The following FMNL1 variants were observed in gnomAD, a reference collection of about 807,000 sequenced individuals.
FMNL1 encodes the protein formin-like protein 1.
In FMNL1, 43 loss-of-function variants were observed where a neutral mutation model predicts 121.3. The ratio of observed to expected loss-of-function variants is 0.35; its 90% CI spans 0.28 to 0.46. The LOEUF is 0.46. FMNL1 is among the 20% of genes least tolerant of loss of function. The probability of loss-of-function intolerance (pLI) is 1.00; values close to 1 mark genes in which losing one functional copy is unlikely to be tolerated. For synonymous variants in FMNL1, 613 were observed against 613.5 expected (o/e 1.00, Z 0.01); for missense variants, 1,191 against 1,482.4 (o/e 0.80, Z 3.23).
chr17:45,225,815 C>T (rs952721824), intron 1 of FMNL1, among the ~76,000 whole-genome samples: 9 of 152,124 alleles, frequency 5.9e-5, no homozygotes, highest in Admixed American at 6.5e-5. Context: ...AGTTACTTAA[C>T]TTCTCTGAGC....
At position 45,243,110 on chromosome 17, in the gene FMNL1, A is replaced by G. The variant is rs894482263; in HGVS notation, c.2011-8A>G. The G allele has an allele frequency of 1.9e-5, 31 of 1,614,022 alleles. No homozygotes were observed. Among genetic ancestry groups the G allele is most frequent in the Non-Finnish European group, 2.3e-5 (27 of 1,180,008 alleles). ...ACCCAGCTCCGCCTCCTCACCCTGT[A>G]CCTTCAGGAGCTAGACATGAGTGAT... On this transcript the variant is annotated splice_polypyrimidine_tract_variant and splice_region_variant and intron_variant, in intron 16 of 26. Coordinates refer to ENST00000331495, the MANE Select transcript of FMNL1 (RefSeq NM_005892.4).
rs2043235251 is a variant in FMNL1 at position 45,222,006 on chromosome 17, C to T, written c.-119C>T. 1 of 813,714 alleles carries T rather than the reference C, an allele frequency of 1.2e-6. No homozygotes were observed. The highest frequency in any genetic ancestry group is 1.8e-5 in the African/African-American group (1 of 54,808). 50.4% of individuals were successfully genotyped at this position (813,714 alleles called of 1,614,324 possible). Reference sequence around the variant, plus strand: ...GAGCGCCCCCCGCTGCCGAGACCCCCGCCGCCACCGCCAGCCGCTGCCCCC... The same window carrying T: ...GAGCGCCCCCCGCTGCCGAGACCCCTGCCGCCACCGCCAGCCGCTGCCCCC... On this transcript the variant is annotated 5_prime_UTR_variant, in exon 1 of 27. Transcript: ENST00000331495.
chr17:45,224,769 G>T (rs150387173), intron 1 of FMNL1, among the ~76,000 whole-genome samples: 1 of 152,330 alleles, frequency 6.6e-6, no homozygotes, highest in East Asian at 1.9e-4. Context: ...TTAAAATGGG[G>T]GTGGAGAGAA....
In FMNL1 at chr17:45,241,328, C is replaced by A; in HGVS notation, c.1333-54C>A. On this transcript the variant is annotated intron_variant, in intron 13 of 26. Transcript: ENST00000331495. The surrounding 1 kb of genome is among the most constrained non-coding windows in gnomAD (Gnocchi z 7.0). ...CTCCACCCCGGGAAGAAGATGGAGG[C>A]TTGGTGCCAAGGAGCCTGCTGGTGG... 6.3e-7 allele frequency: 1 copy of A among 1,594,150 alleles called. No homozygotes were observed. Among genetic ancestry groups the A allele is most frequent in the East Asian group, 2.3e-5 (1 of 43,670 alleles).
chr17:45,233,884 A>G lies in FMNL1; in HGVS notation c.485+153A>G. ...GGCCTTGAGCGATGCTCCTTCCAGA[A>G]GGCCTGCCCCCGACAGGGAGGGGTG... is the stretch of plus-strand genomic sequence containing the variant. On this transcript the variant is annotated intron_variant, in intron 5 of 26. Coordinates refer to ENST00000331495, the MANE Select transcript of FMNL1 (RefSeq NM_005892.4). This position sits in a 1 kb window ranked among gnomAD's most constrained non-coding sequence, Gnocchi z 4.1. The G allele has an allele frequency of 7.5e-6, 10 of 1,328,400 alleles. No homozygotes were observed. The highest frequency in any genetic ancestry group is 1.0e-5 in the Non-Finnish European group (10 of 980,178). The allele number at this position is 1,328,400 out of a possible 1,614,324, so 82.3% of individuals were successfully genotyped here.
chr17:45,244,937 G>T (rs1381534236), intron 20 of FMNL1, 38 bp downstream of exon 20: 1 of 1,612,454 alleles, frequency 6.2e-7, no homozygotes, highest in Non-Finnish European at 8.5e-7. Flanking sequence ...TGGGGCTGGG[G>T]ACTGGCTGGT....
At position 45,234,298 on chromosome 17, in the gene FMNL1, G is replaced by A. The variant is rs773681950; in HGVS notation, c.614+98G>A. The A allele has an allele frequency of 1.9e-6, 3 of 1,595,510 alleles. No individual in the cohort carries two copies. In the African/African-American group the frequency reaches 4.0e-5, roughly 21 times the overall value. On this transcript the variant is annotated intron_variant, in intron 6 of 26. Transcript: ENST00000331495. ...CACCCCGGGCCCTTGGGGTTGGCGA[G>A]AGGGGTAGCCATGCATTAGGGGTCC...
rs2043791757 is a variant in FMNL1, at chr17:45,244,815, C to T, written c.2518-4C>T. 2 of 1,609,980 alleles carry T rather than the reference C, an allele frequency of 1.2e-6. No individual in the cohort carries two copies. Among genetic ancestry groups the T allele is most frequent in the Non-Finnish European group, 1.7e-6 (2 of 1,177,922 alleles). On this transcript the variant is annotated splice_polypyrimidine_tract_variant and splice_region_variant and intron_variant, in intron 19 of 26. Coordinates refer to ENST00000331495, the MANE Select transcript of FMNL1 (RefSeq NM_005892.4). ...CTGCTGAGCCTTTCTCCTGCCTCTCCCAGATTGTCCTGGCCTTTGGCAACT... is the reference window on the plus strand; with the variant it reads ...CTGCTGAGCCTTTCTCCTGCCTCTCTCAGATTGTCCTGGCCTTTGGCAACT...
chr17:45,228,588 AGGCAGTCGTCGGC>A (rs1233567013), intron 1 of FMNL1, among the ~76,000 whole-genome samples: 3 of 152,212 alleles, frequency 2.0e-5, no homozygotes, highest in Non-Finnish European at 4.4e-5. Context: ...TGAGGGTGGA[AGGCAGTCGTCGGC>A]GCGCAGGGCT....
intron 1 of FMNL1, among the ~76,000 whole-genome samples, chr17:45,229,057 C>T (rs904525691): frequency 1.3e-5 from 2 of 151,464 alleles, no homozygotes; most frequent in African/African-American, 4.9e-5. Context: ...GGTTCCCCCA[C>T]CCCCTGCCCC....
At chr17:45,246,002 G>A (rs1487257011) in intron 24 of FMNL1, 29 bp downstream of exon 24, 1 of 1,527,340 alleles carries the variant, frequency 6.5e-7, no homozygotes, top group Non-Finnish European at 8.8e-7. Flanking sequence ...GCTTGGTACT[G>A]GGCTGCAGGG....
In FMNL1 at chr17:45,221,997, C is replaced by T; in HGVS notation, c.-128C>T. The T allele has an allele frequency of 1.4e-6, 1 of 718,008 alleles. No homozygotes were observed. Among genetic ancestry groups the T allele is most frequent in the South Asian group, 6.7e-5 (1 of 15,016 alleles). The allele number at this position is 718,008 out of a possible 1,614,324, so 44.5% of individuals were successfully genotyped here. A position where few individuals can be genotyped will look rare whatever the true frequency, so the allele number is the denominator to read the frequency against. On this transcript the variant is annotated 5_prime_UTR_variant, in exon 1 of 27. Coordinates refer to ENST00000331495, the MANE Select transcript of FMNL1 (RefSeq NM_005892.4). ...CGCTGAGCCGAGCGCCCCCCGCTGC[C>T]GAGACCCCCGCCGCCACCGCCAGCC...
intron 6 of FMNL1, 119 bp downstream of exon 6, chr17:45,234,319 G>C: frequency 6.5e-7 from 1 of 1,540,362 alleles, no homozygotes; most frequent in Non-Finnish European, 8.8e-7. Flanking sequence ...ATGCATTAGG[G>C]GTCCGAGTAA....
At position 45,222,375 on chromosome 17, in the gene FMNL1, C is replaced by T. The variant is rs534881079; in HGVS notation, c.129+122C>T. ...CGCTTGGAGATCCCCGGTCCGGCAG[C>T]TGCCCCCTCCAGGAGGTGGGAGCGA... On this transcript the variant is annotated intron_variant, in intron 1 of 26. Transcript: ENST00000331495. 2.1e-3 allele frequency: 1,740 copies of T among 846,744 alleles called. 4 individuals are homozygous for T. The highest frequency in any genetic ancestry group is 2.4e-3 in the Non-Finnish European group (1,633 of 671,834). The allele number at this position is 846,744 out of a possible 1,614,324, so 52.5% of individuals were successfully genotyped here. A position where few individuals can be genotyped will look rare whatever the true frequency, so the allele number is the denominator to read the frequency against.
In FMNL1 at chr17:45,237,453, G is replaced by A; in HGVS notation, c.801-93G>A. The A allele has an allele frequency of 6.2e-7, 1 of 1,606,374 alleles. No individual in the cohort carries two copies. Among genetic ancestry groups the A allele is most frequent in the Non-Finnish European group, 8.5e-7 (1 of 1,173,128 alleles). On this transcript the variant is annotated intron_variant, in intron 8 of 26. Coordinates refer to ENST00000331495, the MANE Select transcript of FMNL1 (RefSeq NM_005892.4). The surrounding 1 kb of genome is among the most constrained non-coding windows in gnomAD (Gnocchi z 4.4). Reference sequence around the variant, plus strand: ...CCTCCAGGTCTCAGAGGCTCATTCTGCACCCACTATGCTCCTCCTAGCCAG... The same window carrying A: ...CCTCCAGGTCTCAGAGGCTCATTCTACACCCACTATGCTCCTCCTAGCCAG...
chr17:45,239,212 C>G lies in FMNL1; in HGVS notation c.1080+147C>G, dbSNP rs1323734413. 15 of 643,152 alleles carry G rather than the reference C, an allele frequency of 2.3e-5. No individual in the cohort carries two copies. In the South Asian group the frequency reaches 2.8e-4, roughly 12 times the overall value. 39.8% of individuals were successfully genotyped at this position (643,152 alleles called of 1,614,324 possible). A position where few individuals can be genotyped will look rare whatever the true frequency, so the allele number is the denominator to read the frequency against. On this transcript the variant is annotated intron_variant, in intron 11 of 26. Transcript: ENST00000331495. ...CTGCCGTGTGACCTTGGATAGGCCT[C>G]TTCCTCTCTCTCAGTGTCAGTTTTG... is the stretch of plus-strand genomic sequence containing the variant.
Position 45,241,748 on chromosome 17 carries a change from A to T in FMNL1, c.1586-99A>T, listed in dbSNP as rs1567969124. 7.0e-7 allele frequency: 1 copy of T among 1,429,998 alleles called. No homozygotes were observed. The allele number at this position is 1,429,998 out of a possible 1,614,324, so 88.6% of individuals were successfully genotyped here. A position where few individuals can be genotyped will look rare whatever the true frequency, so the allele number is the denominator to read the frequency against. On this transcript the variant is annotated intron_variant, in intron 14 of 26. Transcript: ENST00000331495. The surrounding 1 kb of genome is among the most constrained non-coding windows in gnomAD (Gnocchi z 7.0). Reference sequence around the variant, plus strand: ...GAGGTTTGGATTGTAGGCTCGGCTCAGGTAGGAGCGCATGCGTAGAGCGGA... The same window carrying T: ...GAGGTTTGGATTGTAGGCTCGGCTCTGGTAGGAGCGCATGCGTAGAGCGGA...
In FMNL1 at chr17:45,244,814, C is replaced by T. The variant is rs1184666347; in HGVS notation, c.2518-5C>T. ...TCTGCTGAGCCTTTCTCCTGCCTCT[C>T]CCAGATTGTCCTGGCCTTTGGCAAC... On this transcript the variant is annotated splice_polypyrimidine_tract_variant and splice_region_variant and intron_variant, in intron 19 of 26. Coordinates refer to ENST00000331495, the MANE Select transcript of FMNL1 (RefSeq NM_005892.4). The T allele has an allele frequency of 6.2e-7, 1 of 1,609,614 alleles. No homozygotes were observed. Among genetic ancestry groups the T allele is most frequent in the South Asian group, 1.1e-5 (1 of 90,622 alleles).
At position 45,231,203 on chromosome 17, in the gene FMNL1, G is replaced by A. The variant is rs2143305474; in HGVS notation, c.213+516G>A. ...TCCGTCCAGGTGCCTGGACTCACGG[G>A]TCACTCAGCTGTCCCCACCCCTCCA... On this transcript the variant is annotated intron_variant, in intron 2 of 26. Coordinates refer to ENST00000331495, the MANE Select transcript of FMNL1 (RefSeq NM_005892.4). This position sits in a 1 kb window ranked among gnomAD's most constrained non-coding sequence, Gnocchi z 4.7. Among the ~76,000 whole-genome samples the A allele has an allele frequency of 6.6e-6, 1 of 152,342 alleles. No individual in the cohort carries two copies. The highest frequency in any genetic ancestry group is 3.4e-3 in the Middle Eastern group (1 of 294).
Sources: gnomAD v4.1 joint callset for allele counts (sites outside exome capture counted in the v4.1 genomes callset) on GRCh38, gnomAD v4.1.1 for gene constraint, Gnocchi (gnomAD v3.1) non-coding constraint, MANE v1.5 for transcripts, NCBI Gene and HGNC (gene_info 2026-07-23, HGNC 2026-07-21) for gene names.